The following MAP6 variants were observed in gnomAD, a reference collection of about 807,000 sequenced individuals.
MAP6 encodes the protein microtubule associated protein 6, also known as microtubule-associated protein 6.
MAP6 carries 26 observed loss-of-function variants against 42.4 expected under a neutral mutation model. The ratio of observed to expected loss-of-function variants is 0.61; its 90% CI spans 0.45 to 0.85. MAP6 has a LOEUF of 0.85. Ranked by LOEUF, MAP6 falls within the 40% of genes least tolerant of loss-of-function variation. MAP6 has a pLI of 0.00. For missense variants in MAP6, 966 were observed against 1,099.0 expected (o/e 0.88, Z 1.71); for synonymous variants, 418 against 443.8 (o/e 0.94, Z 0.73).
chr11:75,602,604 C>T (rs866496336), intron 3 of MAP6, among the ~76,000 whole-genome samples: 3 of 152,318 alleles, frequency 2.0e-5, no homozygotes, highest in Non-Finnish European at 2.9e-5. Context: ...TCGCTCTTCC[C>T]GGCAACATTG....
chr11:75,642,453 C>T (rs914499641), intron 1 of MAP6: 2 of 152,294 alleles, frequency 1.3e-5, no homozygotes, highest in African/African-American at 2.4e-5. Context: ...TCTGATTGAA[C>T]AAAGATACCC....
At chr11:75,660,068 A>G (rs1308825025) in intron 1 of MAP6, among the ~76,000 whole-genome samples, 1 of 152,228 alleles carries the variant, frequency 6.6e-6, no homozygotes, top group Non-Finnish European at 1.5e-5. Flanking sequence ...TGCTGAGTTC[A>G]TATGAGGTTT....
intron 1 of MAP6, among the ~76,000 whole-genome samples, chr11:75,666,713 T>C (rs1490687648): frequency 1.3e-5 from 2 of 152,196 alleles, no homozygotes; most frequent in Admixed American, 1.3e-4. Flanking sequence ...CAAAAATATG[T>C]TGAATATTTA....
chr11:75,641,580 A>G (rs149673169), intron 1 of MAP6, among the ~76,000 whole-genome samples: 130 of 152,316 alleles, frequency 8.5e-4, no homozygotes, highest in Admixed American at 2.0e-3. Context: ...ACTTCGTGTG[A>G]TTCCAATGTA....
At chr11:75,650,064 G>A (rs952715569) in intron 1 of MAP6, among the ~76,000 whole-genome samples, 2 of 152,080 alleles carry the variant, frequency 1.3e-5, no homozygotes, top group Non-Finnish European at 2.9e-5. Context: ...CAATGTCATC[G>A]GATTTTCAGA....
chr11:75,660,858 G>A (rs914019535), intron 1 of MAP6, among the ~76,000 whole-genome samples: 17 of 150,068 alleles, frequency 1.1e-4, no homozygotes, highest in African/African-American at 2.2e-4. Flanking sequence ...AAAAGAAAGC[G>A]AATAATAAAA....
intron 1 of MAP6, among the ~76,000 whole-genome samples, chr11:75,661,493 T>C (rs559732578): frequency 6.6e-6 from 1 of 152,082 alleles, no homozygotes; most frequent in South Asian, 2.1e-4. Flanking sequence ...TATTTTTATC[T>C]AAACAAGATT....
At chr11:75,614,570 G>A (rs1942962968) in intron 1 of MAP6, among the ~76,000 whole-genome samples, 2 of 152,176 alleles carry the variant, frequency 1.3e-5, no homozygotes, top group African/African-American at 4.8e-5. Context: ...ATGTCGGGAG[G>A]AACTGAGGCT....
intron 1 of MAP6, among the ~76,000 whole-genome samples, chr11:75,616,518 C>G (rs1400144507): frequency 6.6e-6 from 1 of 152,222 alleles, no homozygotes; most frequent in Non-Finnish European, 1.5e-5. Flanking sequence ...TTCGTGCACT[C>G]TGATGGAGGC....
At chr11:75,591,871 C>CAA (rs1942482580) in intron 3 of MAP6, among the ~76,000 whole-genome samples, 1 of 152,182 alleles carries the variant, frequency 6.6e-6, no homozygotes, top group East Asian at 1.9e-4. Flanking sequence ...GGGATTATTA[C>CAA]AACAGAAAAT....
chr11:75,614,774 C>A (rs1046130456), intron 1 of MAP6, among the ~76,000 whole-genome samples: 1 of 152,192 alleles, frequency 6.6e-6, no homozygotes, highest in Non-Finnish European at 1.5e-5. Context: ...TTACAAGCAA[C>A]AAATTCTAAT....
At chr11:75,641,048 A>G (rs1213330773) in intron 1 of MAP6, among the ~76,000 whole-genome samples, 1 of 152,186 alleles carries the variant, frequency 6.6e-6, no homozygotes, top group African/African-American at 2.4e-5. Context: ...TGTTTATTGC[A>G]GCACTATTCA....
intron 3 of MAP6, among the ~76,000 whole-genome samples, chr11:75,601,502 C>A: frequency 6.6e-6 from 1 of 152,168 alleles, no homozygotes; most frequent in East Asian, 1.9e-4. Context: ...ATTTATACCA[C>A]CCTTGAATGA....
chr11:75,605,844 C>T lies in MAP6; in HGVS notation c.1280G>A (p.Ser427Asn), dbSNP rs760597890. The T allele has an allele frequency of 6.2e-7, 1 of 1,613,934 alleles. No homozygotes were observed. Among genetic ancestry groups the T allele is most frequent in the East Asian group, 2.2e-5 (1 of 44,884 alleles). Reference protein sequence around the residue: ...STTKPDDKEQSKEMNNKLAEA... With the variant: ...STTKPDDKEQNKEMNNKLAEA... Reference sequence around the variant, plus strand: ...AGCCAGTTTATTGTTCATCTCTTTGCTTTGCTCCTTGTCGTCTGGCTTGGT... The same window carrying T: ...AGCCAGTTTATTGTTCATCTCTTTGTTTTGCTCCTTGTCGTCTGGCTTGGT... The change falls in exon 3 of 4, where the codon AGC becomes AAC. Residue 427 changes from serine (S) to asparagine (N), a missense_variant. Physicochemically the swap from Ser to Asn is conservative, Grantham distance 46 (BLOSUM62 1). This residue lies in a region of MAP6 where 943 missense variants were observed against 1,049.9 expected (regional missense o/e 0.90). Coordinates refer to ENST00000304771, the MANE Select transcript of MAP6 (RefSeq NM_033063.2).
At chr11:75,621,320 A>C (rs1048792578) in intron 1 of MAP6, among the ~76,000 whole-genome samples, 1 of 152,168 alleles carries the variant, frequency 6.6e-6, no homozygotes, top group Admixed American at 6.5e-5. Context: ...TACTTAAAAA[A>C]AAAGAAAGAA....
intron 1 of MAP6, among the ~76,000 whole-genome samples, chr11:75,618,491 C>T (rs1233785843): frequency 6.6e-6 from 1 of 151,906 alleles, no homozygotes; most frequent in South Asian, 2.1e-4. Flanking sequence ...CCTGTAATCC[C>T]AGGTACTTGG....
Position 75,667,383 on chromosome 11 carries a change from C to T in MAP6, c.905+82G>A, listed in dbSNP as rs980821108. ...GGAGGGAGGCTGCACGCTAGGCCTG[C>T]GCTGGGGATCCTGGGCCCCGGGCAG... On this transcript the variant is annotated intron_variant, in intron 1 of 3. Transcript: ENST00000304771. This position sits in a 1 kb window ranked among gnomAD's most constrained non-coding sequence, Gnocchi z 5.6. 1.3e-5 allele frequency: 17 copies of T among 1,288,714 alleles called. No individual in the cohort carries two copies. Among genetic ancestry groups the T allele is most frequent in the Non-Finnish European group, 1.7e-5 (17 of 990,704 alleles). The allele number at this position is 1,288,714 out of a possible 1,614,324, so 79.8% of individuals were successfully genotyped here. A position where few individuals can be genotyped will look rare whatever the true frequency, so the allele number is the denominator to read the frequency against.
chr11:75,600,860 CAA>C (rs1196648751), intron 3 of MAP6, among the ~76,000 whole-genome samples: 1 of 152,122 alleles, frequency 6.6e-6, no homozygotes, highest in Non-Finnish European at 1.5e-5. Flanking sequence ...CCTAGTGAAA[CAA>C]AAGAGGGAAG....
Position 75,667,919 on chromosome 11 carries a change from C to G in MAP6, c.451G>C (p.Glu151Gln), listed in dbSNP as rs1943988866. 1 of 1,407,584 alleles carries G rather than the reference C, an allele frequency of 7.1e-7. No homozygotes were observed. The highest frequency in any genetic ancestry group is 9.3e-7 in the Non-Finnish European group (1 of 1,077,088). The allele number at this position is 1,407,584 out of a possible 1,614,324, so 87.2% of individuals were successfully genotyped here. A position where few individuals can be genotyped will look rare whatever the true frequency, so the allele number is the denominator to read the frequency against. ...SEYQPSDAPFERETQYQKDFR... is the reference protein window; with the variant it reads ...SEYQPSDAPFQRETQYQKDFR... ...TCCTTCTGGTACTGGGTCTCGCGCTCGAAGGGAGCGTCGGAGGGCTGGTAT... is the reference window on the plus strand; with the variant it reads ...TCCTTCTGGTACTGGGTCTCGCGCTGGAAGGGAGCGTCGGAGGGCTGGTAT... The change falls in exon 1 of 4, where the codon GAG becomes CAG. Residue 151 changes from glutamate to glutamine, a missense_variant. Coordinates refer to ENST00000304771, the MANE Select transcript of MAP6 (RefSeq NM_033063.2). The surrounding 1 kb of genome is among the most constrained non-coding windows in gnomAD (Gnocchi z 5.6).
Sources: gnomAD v4.1 joint callset for allele counts (sites outside exome capture counted in the v4.1 genomes callset) on GRCh38, gnomAD v4.1.1 for gene constraint, gnomAD v4.1.1 regional missense constraint, Gnocchi (gnomAD v3.1) non-coding constraint, MANE v1.5 for transcripts, NCBI Gene and HGNC (gene_info 2026-07-23, HGNC 2026-07-21) for gene names.